Variants in GMDS observed in about 807,000 individuals in gnomAD.
GMDS encodes the protein GDP-mannose 4,6 dehydratase.
A neutral mutation model predicts 49.9 loss-of-function variants in GMDS; 20 were observed. The ratio of observed to expected loss-of-function variants is 0.40; its 90% confidence interval spans 0.28 to 0.58. The LOEUF is 0.58. GMDS is among the 20% of genes least tolerant of loss of function. The probability of loss-of-function intolerance (pLI) is 0.42; values close to 1 mark genes in which losing one functional copy is unlikely to be tolerated. For missense variants in GMDS, 362 were observed against 481.4 expected (o/e 0.75, Z 2.32); for synonymous variants, 177 against 178.6 (o/e 0.99, Z 0.07).
chr6:1,805,609 CAACT>C (rs942404899), intron 7 of GMDS, among the ~76,000 whole-genome samples: 27 of 152,184 alleles, frequency 1.8e-4, no homozygotes, highest in African/African-American at 6.5e-4. Context: ...TAAGAGAACT[CAACT>C]GTCTTCTGTT....
intron 4 of GMDS, among the ~76,000 whole-genome samples, chr6:1,992,676 G>A (rs546221646): frequency 2.6e-5 from 4 of 152,098 alleles, no homozygotes; most frequent in African/African-American, 9.6e-5. Flanking sequence ...TGGCCTACAG[G>A]ATTCATCATC....
rs1024656795 is a variant in GMDS at position 1,821,309 on chromosome 6, C to T, written c.772-78723G>A. On this transcript the variant is annotated intron_variant, in intron 7 of 10. Coordinates refer to ENST00000380815, the MANE Select transcript of GMDS (RefSeq NM_001500.4). Reference sequence around the variant, plus strand: ...CTAAGTAATCCTAAACTGAGCAAACCCTCCCAGCTCCTTTTGAGCGGAGAG... The same window carrying T: ...CTAAGTAATCCTAAACTGAGCAAACTCTCCCAGCTCCTTTTGAGCGGAGAG... 5.3e-5 allele frequency among the ~76,000 whole-genome samples: 8 copies of T among 152,116 alleles called. No homozygotes were observed. The South Asian group carries it at 1.7e-3, about 32-fold the overall frequency.
intron 1 of GMDS, among the ~76,000 whole-genome samples, chr6:2,242,701 G>A (rs929448102): frequency 1.7e-4 from 26 of 151,754 alleles, no homozygotes; most frequent in African/African-American, 6.3e-4. Flanking sequence ...TGAGATCTGG[G>A]TTCAGATCTC....
intron 4 of GMDS, among the ~76,000 whole-genome samples, chr6:2,095,178 G>A (rs1265768397): frequency 6.6e-6 from 1 of 152,104 alleles, no homozygotes; most frequent in East Asian, 1.9e-4. Flanking sequence ...TGGTGTAGTT[G>A]TCCTTGCCTG....
At chr6:1,913,617 T>C (rs1229160788) in intron 7 of GMDS, among the ~76,000 whole-genome samples, 2 of 152,172 alleles carry the variant, frequency 1.3e-5, no homozygotes, top group African/African-American at 4.8e-5. Context: ...TAATATGCAC[T>C]TTTTCACCTT....
chr6:2,038,151 G>A (rs1363385850), intron 4 of GMDS, among the ~76,000 whole-genome samples: 4 of 151,956 alleles, frequency 2.6e-5, no homozygotes, highest in Admixed American at 1.3e-4. Flanking sequence ...ATTGAAGATC[G>A]CCCCCCTTTG....
chr6:1,772,949 C>T (rs1768640957), intron 7 of GMDS, among the ~76,000 whole-genome samples: 1 of 152,092 alleles, frequency 6.6e-6, no homozygotes, highest in Non-Finnish European at 1.5e-5. Flanking sequence ...TAGCTGGAAC[C>T]AATATTGTAA....
intron 4 of GMDS, among the ~76,000 whole-genome samples, chr6:2,068,392 C>T (rs1258138567): frequency 6.6e-6 from 1 of 151,786 alleles, no homozygotes; most frequent in Non-Finnish European, 1.5e-5. Context: ...TCCTATTCAA[C>T]ATAGTGTTGG....
intron 4 of GMDS, among the ~76,000 whole-genome samples, chr6:2,065,979 C>T (rs1342014356): frequency 6.6e-6 from 1 of 152,120 alleles, no homozygotes; most frequent in Non-Finnish European, 1.5e-5. Context: ...TCAGATTCAC[C>T]AAAGTTGAAA....
At chr6:2,120,426 AAAGT>A (rs1385711977) in intron 2 of GMDS, among the ~76,000 whole-genome samples, 11 of 151,412 alleles carry the variant, frequency 7.3e-5, no homozygotes, top group African/African-American at 2.5e-4. Context: ...ATTAAGAAAG[AAAGT>A]ATCTCCATGT....
At chr6:1,790,336 T>G (rs1372130067) in intron 7 of GMDS, among the ~76,000 whole-genome samples, 17 of 152,220 alleles carry the variant, frequency 1.1e-4, no homozygotes, top group Admixed American at 1.1e-3. Flanking sequence ...CCATGGGAGT[T>G]AGGCATGGTC....
chr6:1,957,017 G>T (rs896341481), intron 6 of GMDS, among the ~76,000 whole-genome samples: 1 of 151,872 alleles, frequency 6.6e-6, no homozygotes, highest in Non-Finnish European at 1.5e-5. Context: ...TGGCCAGGCT[G>T]GTCTCAAACT....
intron 1 of GMDS, among the ~76,000 whole-genome samples, chr6:2,133,470 G>C (rs921426885): frequency 1.3e-5 from 2 of 152,174 alleles, no homozygotes; most frequent in Admixed American, 6.5e-5. Context: ...GTTAAGCACA[G>C]AGTTAACTAT....
At chr6:2,006,866 T>G (rs569092000) in intron 4 of GMDS, among the ~76,000 whole-genome samples, 1 of 152,214 alleles carries the variant, frequency 6.6e-6, no homozygotes, top group Non-Finnish European at 1.5e-5. Context: ...GGGAGAATTA[T>G]TTGCAGGACA....
intron 7 of GMDS, among the ~76,000 whole-genome samples, chr6:1,775,505 G>A (rs2015853): frequency 0.35 from 53,019 of 152,040 alleles, 9,618 homozygotes; most frequent in South Asian, 0.46. Context: ...GTCTGTAAGA[G>A]TGGCACTCTC....
chr6:1,835,762 G>A (rs1168089710), intron 7 of GMDS, among the ~76,000 whole-genome samples: 1 of 152,082 alleles, frequency 6.6e-6, no homozygotes, highest in East Asian at 1.9e-4. Flanking sequence ...TATCAATTTG[G>A]TAATAGGGCA....
intron 7 of GMDS, among the ~76,000 whole-genome samples, chr6:1,887,924 C>T (rs575933409): frequency 3.3e-5 from 5 of 151,896 alleles, no homozygotes; most frequent in East Asian, 1.9e-4. Context: ...AATAGTTGCA[C>T]TGTATTTTTA....
At chr6:2,156,953 A>G (rs570112920) in intron 1 of GMDS, among the ~76,000 whole-genome samples, 1 of 152,340 alleles carries the variant, frequency 6.6e-6, no homozygotes, top group African/African-American at 2.4e-5. Context: ...CTATCAACAA[A>G]TTATTTTAAA....
chr6:2,046,678 T>A (rs1770036532), intron 4 of GMDS, among the ~76,000 whole-genome samples: 1 of 152,136 alleles, frequency 6.6e-6, no homozygotes. Context: ...CCCAGACTGA[T>A]CTCAAACTGC....
Sources: allele counts gnomAD v4.1 joint callset (sites outside exome capture counted in the v4.1 genomes callset), GRCh38; gene constraint gnomAD v4.1.1; transcripts MANE v1.5; gene names NCBI Gene and HGNC (gene_info 2026-07-23, HGNC 2026-07-21).